NRG3: variants seen among roughly 807,000 people sequenced by gnomAD.
NRG3 encodes neuregulin 3, also known as pro-neuregulin-3, membrane-bound isoform.
In NRG3, 31 loss-of-function variants were observed where a neutral mutation model predicts 66.9. The ratio of observed to expected loss-of-function variants is 0.46; its 90% CI spans 0.35 to 0.63. The LOEUF is 0.63. NRG3 is among the 20% of genes least tolerant of loss of function. The pLI, the probability that NRG3 is intolerant of heterozygous loss-of-function variation, is 0.00. For missense variants in NRG3, 910 were observed against 878.9 expected, an observed-to-expected ratio of 1.04 and a Z score of -0.45; for synonymous variants, 393 against 359.4, an observed-to-expected ratio of 1.09 and a Z score of -1.06.
chr10:82,771,645 A>G (rs542584894), intron 3 of NRG3, among the ~76,000 whole-genome samples: 272 of 152,296 alleles, frequency 1.8e-3, no homozygotes, highest in Non-Finnish European at 3.4e-3. Context: ...TATTCATTCA[A>G]CACTTACCAA....
Position 82,985,450 on chromosome 10 carries a change from C to T in NRG3, c.1936C>T (p.Arg646Trp), listed in dbSNP as rs560914369. The part of the protein sequence containing the change: ...EQIRILTDAR[R>W]SEDYELASVE... ...GATCCGAATTCTGACTGATGCCAGACGGTCAGAAGACTACGAACTGGCCAG... is the reference window on the plus strand; with the variant it reads ...GATCCGAATTCTGACTGATGCCAGATGGTCAGAAGACTACGAACTGGCCAG... The change falls in exon 9 of 9, where the codon CGG (arginine) becomes TGG (tryptophan). Residue 646 changes from arginine to tryptophan, a missense_variant. Arg to Trp is a moderately radical substitution (Grantham distance 101). Transcript: ENST00000372141. 1.5e-4 allele frequency: 244 copies of T among 1,614,064 alleles called. 2 individuals carry two copies. The South Asian group carries it at 2.2e-3, about 14-fold the overall frequency.
intron 3 of NRG3, among the ~76,000 whole-genome samples, chr10:82,864,588 A>C (rs1214837899): frequency 6.6e-6 from 1 of 152,230 alleles, no homozygotes; most frequent in Non-Finnish European, 1.5e-5. Flanking sequence ...TGAATAACTG[A>C]ATGATTAAAA....
intron 1 of NRG3, among the ~76,000 whole-genome samples, chr10:81,914,300 A>G (rs2132789284): frequency 1.3e-5 from 2 of 152,328 alleles, no homozygotes; most frequent in Middle Eastern, 6.8e-3. Flanking sequence ...CACAACTCCA[A>G]GGACCATGCC....
At chr10:82,214,947 A>G (rs1409864981) in intron 1 of NRG3, among the ~76,000 whole-genome samples, 1 of 152,144 alleles carries the variant, frequency 6.6e-6, no homozygotes, top group Non-Finnish European at 1.5e-5. Context: ...CCATCTTACT[A>G]AAGTTTGTGC....
At chr10:81,997,705 G>C (rs1277958079) in intron 1 of NRG3, among the ~76,000 whole-genome samples, 1 of 151,860 alleles carries the variant, frequency 6.6e-6, no homozygotes, top group Non-Finnish European at 1.5e-5. Context: ...ACAGTGCTTG[G>C]ACCATAATCA....
intron 1 of NRG3, among the ~76,000 whole-genome samples, chr10:81,980,926 C>T (rs1213841519): frequency 6.6e-6 from 1 of 152,106 alleles, no homozygotes; most frequent in Non-Finnish European, 1.5e-5. Context: ...TGGATTAGGA[C>T]CCACTCTAAG....
At chr10:81,916,104 C>T (rs1383261756) in intron 1 of NRG3, among the ~76,000 whole-genome samples, 3 of 151,934 alleles carry the variant, frequency 2.0e-5, no homozygotes, top group Admixed American at 6.6e-5. Context: ...CATATTCAAA[C>T]TCTGGTGCGT....
At chr10:82,864,937 T>C (rs1840562728) in intron 3 of NRG3, among the ~76,000 whole-genome samples, 1 of 152,178 alleles carries the variant, frequency 6.6e-6, no homozygotes, top group African/African-American at 2.4e-5. Flanking sequence ...GCTTTTTTTG[T>C]GGAGGTAAAG....
chr10:82,845,132 G>A (rs1258809422), intron 3 of NRG3, among the ~76,000 whole-genome samples: 1 of 152,166 alleles, frequency 6.6e-6, no homozygotes, highest in African/African-American at 2.4e-5. Context: ...TCCAGCCTGG[G>A]CGATAAAGCG....
intron 2 of NRG3, among the ~76,000 whole-genome samples, chr10:82,538,287 T>G (rs1229491448): frequency 6.6e-6 from 1 of 152,204 alleles, no homozygotes; most frequent in East Asian, 1.9e-4. Context: ...ATTCAGAATG[T>G]GAACTATTCA....
At chr10:82,712,260 T>C (rs1036076186) in intron 2 of NRG3, among the ~76,000 whole-genome samples, 2 of 152,194 alleles carry the variant, frequency 1.3e-5, no homozygotes, top group African/African-American at 4.8e-5. Context: ...TTTTAAAAGA[T>C]TATACTAAGG....
At chr10:81,974,903 C>A (rs749356848) in intron 1 of NRG3, among the ~76,000 whole-genome samples, 1 of 151,984 alleles carries the variant, frequency 6.6e-6, no homozygotes, top group Non-Finnish European at 1.5e-5. Flanking sequence ...CTTGTTTAGC[C>A]ACCTGACTTT....
At chr10:82,458,753 A>G (rs2091382939) in intron 2 of NRG3, among the ~76,000 whole-genome samples, 1 of 152,192 alleles carries the variant, frequency 6.6e-6, no homozygotes. Flanking sequence ...AATCTGAAAA[A>G]GGGAAGAAAG....
At chr10:82,464,520 C>A (rs561857326) in intron 2 of NRG3, among the ~76,000 whole-genome samples, 1 of 152,258 alleles carries the variant, frequency 6.6e-6, no homozygotes, top group South Asian at 2.1e-4. Flanking sequence ...GCCTTCCTTG[C>A]CACCGTGGAG....
chr10:82,102,530 A>G (rs962247288), intron 1 of NRG3, among the ~76,000 whole-genome samples: 3 of 150,684 alleles, frequency 2.0e-5, no homozygotes, highest in Non-Finnish European at 4.4e-5. Context: ...TTTTTGTTCC[A>G]GTGTTCCCAC....
At chr10:82,516,463 C>T (rs1427413959) in intron 2 of NRG3, among the ~76,000 whole-genome samples, 1 of 152,080 alleles carries the variant, frequency 6.6e-6, no homozygotes, top group Non-Finnish European at 1.5e-5. Context: ...AGGAACTGAA[C>T]TGGGAGCCAT....
intron 1 of NRG3, among the ~76,000 whole-genome samples, chr10:82,287,917 C>G (rs1022569056): frequency 6.6e-6 from 1 of 152,186 alleles, no homozygotes; most frequent in Admixed American, 6.5e-5. Context: ...CCTTGTTGAT[C>G]ATGATTATCG....
At chr10:82,191,109 G>T (rs999950738) in intron 1 of NRG3, among the ~76,000 whole-genome samples, 4 of 152,006 alleles carry the variant, frequency 2.6e-5, no homozygotes, top group African/African-American at 9.7e-5. Context: ...TTGTTAGAGT[G>T]GTTAGATTAA....
At chr10:82,007,686 T>C (rs1196875030) in intron 1 of NRG3, among the ~76,000 whole-genome samples, 1 of 152,218 alleles carries the variant, frequency 6.6e-6, no homozygotes, top group East Asian at 1.9e-4. Flanking sequence ...TTAATCCTTC[T>C]ACATTTTATT....
Sources: gnomAD v4.1 joint callset for allele counts (sites outside exome capture counted in the v4.1 genomes callset) on GRCh38, gnomAD v4.1.1 for gene constraint, MANE v1.5 for transcripts, NCBI Gene and HGNC (gene_info 2026-07-23, HGNC 2026-07-21) for gene names.